SIGLEC12: variants seen among roughly 807,000 people sequenced by gnomAD.
SIGLEC12 encodes sialic acid binding Ig like lectin 12.
SIGLEC12 carries 43 observed loss-of-function variants against 54.1 expected under a neutral mutation model. The ratio of observed to expected loss-of-function variants is 0.80; its 90% CI spans 0.62 to 1.03. The LOEUF (loss-of-function observed/expected upper bound fraction) is 1.03. Ranked by LOEUF, SIGLEC12 falls within the 50% of genes least tolerant of loss-of-function variation. SIGLEC12 has a pLI of 0.00. For synonymous variants in SIGLEC12, 357 were observed against 307.6 expected (o/e 1.16, Z -1.68); for missense variants, 802 against 735.2 (o/e 1.09, Z -1.05).
chr19:51,499,245 T>A (rs772508963), intron 3 of SIGLEC12, 28 bp from the exon 4 acceptor site: 1 of 1,612,584 alleles, frequency 6.2e-7, no homozygotes. Context: ...GGAGTTCCCA[T>A]CACTTTGAGG....
intron 3 of SIGLEC12, 25 bp downstream of exon 3, chr19:51,499,413 C>T: frequency 6.4e-7 from 1 of 1,550,432 alleles, no homozygotes; most frequent in Non-Finnish European, 8.7e-7. Context: ...GATCAAAGAC[C>T]CAGACGTCCT....
chr19:51,499,341 A>G (rs1242012065), intron 3 of SIGLEC12, 97 bp downstream of exon 3: 4 of 1,563,334 alleles, frequency 2.6e-6, no homozygotes, highest in Non-Finnish European at 2.6e-6. Flanking sequence ...ACTCCCAGCC[A>G]AGATTCCAGG....
chr19:51,491,851 A>C, intron 7 of SIGLEC12, 22 bp from the exon 8 acceptor site: 1 of 1,534,024 alleles, frequency 6.5e-7, no homozygotes, highest in Non-Finnish European at 8.7e-7. Flanking sequence ...AAGAGAAGGG[A>C]GTCAGTGCAG....
At chr19:51,500,349 T>G (rs1382467597) in intron 1 of SIGLEC12, 49 bp from the exon 2 acceptor site, 1 of 1,613,832 alleles carries the variant, frequency 6.2e-7, no homozygotes, top group East Asian at 2.2e-5. Context: ...CTCTCTTCAT[T>G]TGCCCATAGC....
chr19:51,491,878 T>G (rs780148331), intron 7 of SIGLEC12, 49 bp from the exon 8 acceptor site: 2 of 1,445,098 alleles, frequency 1.4e-6, no homozygotes, highest in Non-Finnish European at 1.8e-6. Flanking sequence ...GGGGCCAGCA[T>G]GCACCAGAGA....
In SIGLEC12 at chr19:51,499,575, A is replaced by G; in HGVS notation, c.950T>C (p.Leu317Pro). Reference sequence around the variant, plus strand: ...CGAGGAGCGAGTGATAGTGGGGTCCAGGGAGGACACGGAGGCCCCCATCCA... The same window carrying G: ...CGAGGAGCGAGTGATAGTGGGGTCCGGGGAGGACACGGAGGCCCCCATCCA... ...ITWMGASVSS[L>P]DPTITRSSML... Residue 317 changes from leucine (L) to proline (P), a missense_variant, in exon 3 of 8, where the codon CTG becomes CCG. Transcript: ENST00000291707. 6.2e-7 allele frequency: 1 copy of G among 1,612,482 alleles called. No individual in the cohort carries two copies. The highest frequency in any genetic ancestry group is 1.1e-5 in the South Asian group (1 of 90,938).
intron 7 of SIGLEC12, among the ~76,000 whole-genome samples, chr19:51,496,430 A>C (rs62116174): frequency 0.057 from 8,743 of 152,304 alleles, 352 homozygotes; most frequent in Middle Eastern, 0.1. Flanking sequence ...GCACCATCGC[A>C]CTTCAGCCTG....
chr19:51,495,212 G>A (rs1434939589), intron 7 of SIGLEC12, among the ~76,000 whole-genome samples: 19 of 147,308 alleles, frequency 1.3e-4, no homozygotes, highest in Admixed American at 6.8e-4. Flanking sequence ...CGGACGGGTG[G>A]GTGGGTGGAT....
intron 4 of SIGLEC12, 52 bp downstream of exon 4, chr19:51,499,118 C>T (rs1035940193): frequency 1.9e-6 from 3 of 1,600,684 alleles, no homozygotes; most frequent in African/African-American, 1.3e-5. Flanking sequence ...CTGGCTCTCC[C>T]CTGAGTTGAA....
intron 7 of SIGLEC12, among the ~76,000 whole-genome samples, chr19:51,496,361 G>A (rs1248398987): frequency 6.6e-6 from 1 of 152,016 alleles, no homozygotes; most frequent in Non-Finnish European, 1.5e-5. Context: ...CCAGCTACTC[G>A]AGAGACTGAG....
rs1990268562 is a variant in SIGLEC12, at chr19:51,497,332, C to G, written c.1502+17G>C. 6.2e-7 allele frequency: 1 copy of G among 1,607,874 alleles called. No homozygotes were observed. The highest frequency in any genetic ancestry group is 1.7e-5 in the Admixed American group (1 of 59,840). On this transcript the variant is annotated intron_variant, in intron 6 of 7. Coordinates refer to ENST00000291707, the MANE Select transcript of SIGLEC12 (RefSeq NM_053003.4). ...TGCCCTCCCCCAAGGCTCTTCCTCC[C>G]CAGGGTCAATGCTCACACAACGAAG... is the stretch of plus-strand genomic sequence containing the variant.
chr19:51,501,074 G>A (rs909025740), intron 1 of SIGLEC12, among the ~76,000 whole-genome samples: 1 of 152,098 alleles, frequency 6.6e-6, no homozygotes, highest in Non-Finnish European at 1.5e-5. Flanking sequence ...CAGTGCCAGC[G>A]TCAGAGGCAG....
In SIGLEC12 at chr19:51,496,177, G is replaced by T. The variant is rs60741627; in HGVS notation, c.1599+703C>A. Among the ~76,000 whole-genome samples the T allele has an allele frequency of 9.8e-3, 1,491 of 152,280 alleles. 19 individuals carry two copies. The highest frequency in any genetic ancestry group is 0.032 in the African/African-American group (1,334 of 41,556). ...TAAAAAATCAAAATTAATATAAAAA[G>T]TCCATGGAAAGCCTGGGCGCGGTGG... On this transcript the variant is annotated intron_variant, in intron 7 of 7. Coordinates refer to ENST00000291707, the MANE Select transcript of SIGLEC12 (RefSeq NM_053003.4).
chr19:51,501,249 C>T (rs947873726), intron 1 of SIGLEC12, 58 bp downstream of exon 1: 39 of 1,555,820 alleles, frequency 2.5e-5, no homozygotes, highest in Middle Eastern at 1.7e-4. Context: ...CCGTCTCAGC[C>T]GTGCCCTAAA....
chr19:51,501,525 A>C lies in SIGLEC12; in HGVS notation c.209T>G (p.Val70Gly), dbSNP rs138976600. 10 of 1,557,390 alleles carry C rather than the reference A, an allele frequency of 6.4e-6. No individual in the cohort carries two copies. The highest frequency in any genetic ancestry group is 8.7e-6 in the Non-Finnish European group (10 of 1,153,500). The change falls in exon 1 of 8, where the codon GTA becomes GGA. Residue 70 changes from valine to glycine, a missense_variant. Val to Gly is a moderately radical substitution (Grantham distance 109). Transcript: ENST00000291707. ...HGYWFRAGDH[V>G]SRNIPVATNN... is the part of the protein sequence containing the mutation. ...TGTGGCCACTGGAATGTTCCGGCTT[A>C]CATGGTCCCCTGCCCGGAACCAGTA...
At chr19:51,493,282 C>T (rs1290668092) in intron 7 of SIGLEC12, among the ~76,000 whole-genome samples, 2 of 152,206 alleles carry the variant, frequency 1.3e-5, no homozygotes, top group African/African-American at 4.8e-5. Context: ...CTGGCTCCAT[C>T]TTACCTTCTT....
rs372858213 is a variant in SIGLEC12 at position 51,491,600 on chromosome 19, G to T, written c.*41C>A. 1.1e-4 allele frequency: 173 copies of T among 1,591,464 alleles called. No homozygotes were observed. Among genetic ancestry groups the T allele is most frequent in the Non-Finnish European group, 1.3e-4 (150 of 1,160,540 alleles). On this transcript the variant is annotated 3_prime_UTR_variant, in exon 8 of 8. Transcript: ENST00000291707. ...TCAGTCTCGGGCTTCTTTGCTGCAG[G>T]GGTCGTGAGCCCTCAAACAGGCCTG...
rs895291638 is a variant in SIGLEC12 at position 51,495,116 on chromosome 19, C to T, written c.1599+1764G>A. Among the ~76,000 whole-genome samples, 8 of 146,172 alleles carry T rather than the reference C, an allele frequency of 5.5e-5. No homozygotes were observed. In the East Asian group the frequency reaches 6.2e-4, roughly 11 times the overall value. ...TTTTATGTTATGTGTTATTTTCCAC[C>T]GTAGATGGCTGGATGGATGGATGGG... On this transcript the variant is annotated intron_variant, in intron 7 of 7. Transcript: ENST00000291707.
chr19:51,498,210 T>C lies in SIGLEC12; in HGVS notation c.1213A>G (p.Ser405Gly). 1.2e-6 allele frequency: 2 copies of C among 1,614,166 alleles called. No individual in the cohort carries two copies. Among genetic ancestry groups the C allele is most frequent in the Non-Finnish European group, 1.7e-6 (2 of 1,179,992 alleles). ...QSLHLVCAVD[S>G]NPPARLSWTW... The stretch of plus-strand genomic sequence containing the variant: ...CAGCTCAGCCTGGCAGGGGGATTGC[T>C]GTCGACAGCACAGACAAGGTGCAGG... The change falls in exon 5 of 8, where the codon AGC becomes GGC. Residue 405 changes from serine to glycine, a missense_variant. By Grantham distance (56) the Ser-to-Gly change is moderately conservative. Coordinates refer to ENST00000291707, the MANE Select transcript of SIGLEC12 (RefSeq NM_053003.4).
Sources: allele counts gnomAD v4.1 joint callset (sites outside exome capture counted in the v4.1 genomes callset), GRCh38; gene constraint gnomAD v4.1.1; transcripts MANE v1.5; gene names NCBI Gene and HGNC (gene_info 2026-07-23, HGNC 2026-07-21).